The following RANBP2 variants were observed in gnomAD, a reference collection of about 807,000 sequenced individuals.
The protein encoded by RANBP2 is RAN binding protein 2.
RANBP2 carries 57 observed loss-of-function variants against 303.6 expected under a neutral mutation model. The observed-to-expected ratio is 0.19, with a 90% CI of 0.15 to 0.23. The LOEUF is 0.23. Among genes scored for constraint, RANBP2 ranks in the 10% least tolerant of loss-of-function variants. The pLI, the probability that RANBP2 is intolerant of heterozygous loss-of-function variation, is 1.00. For synonymous variants in RANBP2, 1,167 were observed against 1,301.5 expected, an observed-to-expected ratio of 0.90 and a Z score of 2.23; for missense variants, 3,138 against 3,780.8, an observed-to-expected ratio of 0.83 and a Z score of 4.46.
the RANBP2 span, among the ~76,000 whole-genome samples, chr2:108,919,261 A>G: frequency 6.6e-6 from 1 of 152,230 alleles, no homozygotes; most frequent in Non-Finnish European, 1.5e-5. Flanking sequence ...CCAAAAGGCC[A>G]GCCTGCTCTG....
chr2:109,674,115 T>A, the RANBP2 span, among the ~76,000 whole-genome samples: 1 of 152,048 alleles, frequency 6.6e-6, no homozygotes, highest in Non-Finnish European at 1.5e-5. Flanking sequence ...ACCTTTCACA[T>A]CCTATTGGCC....
the RANBP2 span, among the ~76,000 whole-genome samples, chr2:109,424,894 G>T: frequency 1.9e-4 from 29 of 152,188 alleles, no homozygotes; most frequent in African/African-American, 6.3e-4. Flanking sequence ...CTCACTTTAA[G>T]TCAAAAGTTA....
At chr2:109,612,283 G>A in the RANBP2 span, among the ~76,000 whole-genome samples, 1 of 152,140 alleles carries the variant, frequency 6.6e-6, no homozygotes, top group Non-Finnish European at 1.5e-5. Flanking sequence ...ACGAATCACT[G>A]ATTGTCTGGG....
chr2:109,445,974 T>C, the RANBP2 span, among the ~76,000 whole-genome samples: 1 of 151,932 alleles, frequency 6.6e-6, no homozygotes, highest in Admixed American at 6.6e-5. Flanking sequence ...ACCAAAAGTT[T>C]AAAGAAGAGA....
the RANBP2 span, among the ~76,000 whole-genome samples, chr2:109,406,659 A>G: frequency 6.6e-6 from 1 of 152,192 alleles, no homozygotes; most frequent in East Asian, 1.9e-4. Flanking sequence ...AGGCCATAAC[A>G]GAGATATTGA....
the RANBP2 span, among the ~76,000 whole-genome samples, chr2:109,137,467 A>G: frequency 6.6e-6 from 1 of 152,230 alleles, no homozygotes; most frequent in Non-Finnish European, 1.5e-5. Context: ...CTCAGGAGAT[A>G]AGAGAACTTG....
the RANBP2 span, among the ~76,000 whole-genome samples, chr2:109,653,356 C>T: frequency 1.4e-3 from 212 of 151,464 alleles, 1 homozygote; most frequent in African/African-American, 4.6e-3. Context: ...GTTCGCGGCA[C>T]CCTACTCCAG....
chr2:109,428,614 T>C, the RANBP2 span, among the ~76,000 whole-genome samples: 1 of 152,226 alleles, frequency 6.6e-6, no homozygotes, highest in African/African-American at 2.4e-5. Flanking sequence ...CTTTTTCTCA[T>C]TGGCATGAAA....
At chr2:108,923,543 C>T in the RANBP2 span, 2 of 1,209,124 alleles carry the variant, frequency 1.7e-6, no homozygotes, top group South Asian at 2.4e-5. Flanking sequence ...GGCCAGTCTG[C>T]AGGCCCACAA....
At chr2:109,523,649 G>A in the RANBP2 span, among the ~76,000 whole-genome samples, 6 of 152,230 alleles carry the variant, frequency 3.9e-5, no homozygotes, top group South Asian at 1.0e-3. Context: ...CACATGAGCC[G>A]CTGAGAAGCA....
downstream of RANBP2, chr2:108,789,100 T>A: frequency 1.4e-6 from 1 of 699,964 alleles, no homozygotes. Flanking sequence ...GTCTGGAGCC[T>A]GCTAAATAGT....
At chr2:109,373,525 G>A in the RANBP2 span, among the ~76,000 whole-genome samples, 1 of 152,218 alleles carries the variant, frequency 6.6e-6, no homozygotes, top group Admixed American at 6.5e-5. Flanking sequence ...AAATCTCCAA[G>A]TGAAATTTTT....
the RANBP2 span, among the ~76,000 whole-genome samples, chr2:108,829,651 C>T: frequency 6.6e-6 from 1 of 152,180 alleles, no homozygotes; most frequent in South Asian, 2.1e-4. Context: ...GAGGCTGAGG[C>T]ATGGGAATCG....
chr2:109,626,088 G>T, the RANBP2 span, among the ~76,000 whole-genome samples: 1 of 152,176 alleles, frequency 6.6e-6, no homozygotes, highest in Admixed American at 6.5e-5. Context: ...AAAATGACAG[G>T]TGGACCTTGG....
the RANBP2 span, among the ~76,000 whole-genome samples, chr2:108,982,376 C>T: frequency 6.6e-6 from 1 of 152,230 alleles, no homozygotes; most frequent in Non-Finnish European, 1.5e-5. Context: ...GCCTCCATCT[C>T]CAGAGGCTCC....
chr2:109,231,453 T>C, the RANBP2 span, among the ~76,000 whole-genome samples: 5 of 152,228 alleles, frequency 3.3e-5, no homozygotes, highest in Admixed American at 1.3e-4. Context: ...GCAGACCAAG[T>C]CTCACCCACA....
At chr2:109,506,389 G>A in the RANBP2 span, among the ~76,000 whole-genome samples, 1 of 152,232 alleles carries the variant, frequency 6.6e-6, no homozygotes, top group Non-Finnish European at 1.5e-5. Flanking sequence ...CAGCAAAGCT[G>A]CAAAGACAAC....
the RANBP2 span, among the ~76,000 whole-genome samples, chr2:109,309,844 G>C: frequency 8.9e-6 from 1 of 112,866 alleles, no homozygotes; most frequent in African/African-American, 4.8e-5. Context: ...CATAAAGCAA[G>C]TCCTGAGTGA....
the RANBP2 span, among the ~76,000 whole-genome samples, chr2:109,396,654 A>C: frequency 6.6e-6 from 1 of 152,188 alleles, no homozygotes; most frequent in Non-Finnish European, 1.5e-5. Flanking sequence ...TCACTGATTG[A>C]CAGCATTGAG....
Sources: gnomAD v4.1 joint callset for allele counts (sites outside exome capture counted in the v4.1 genomes callset) on GRCh38, gnomAD v4.1.1 for gene constraint, MANE v1.5 for transcripts, NCBI Gene and HGNC (gene_info 2026-07-23, HGNC 2026-07-21) for gene names.